Variants in ALX4 observed in about 807,000 individuals in gnomAD.
ALX4 encodes ALX homeobox 4.
In ALX4, 22 loss-of-function variants were observed where a neutral mutation model predicts 40.6. The observed-to-expected ratio is 0.54, with a 90% CI of 0.39 to 0.77. The LOEUF (loss-of-function observed/expected upper bound fraction) is 0.77, where lower values mean the gene tolerates loss of function less well. Ranked by LOEUF, ALX4 falls within the 30% of genes least tolerant of loss-of-function variation. The probability of loss-of-function intolerance (pLI) is 0.00; values close to 1 mark genes in which losing one functional copy is unlikely to be tolerated. For missense variants in ALX4, 556 were observed against 564.8 expected, an observed-to-expected ratio of 0.98 and a Z score of 0.16; for synonymous variants, 266 against 240.5, an observed-to-expected ratio of 1.11 and a Z score of -0.98.
chr11:44,290,391 T>C (rs1273372906), intron 1 of ALX4, among the ~76,000 whole-genome samples: 4 of 152,254 alleles, frequency 2.6e-5, no homozygotes, highest in Non-Finnish European at 5.9e-5. Context: ...TTCAACAGCA[T>C]TCCTGGAGCA....
rs766990322 is a variant in ALX4 at position 44,275,405 on chromosome 11, G to A, written c.720C>T (p.Asp240=). The change falls in exon 2 of 4, where the codon GAC becomes GAT. Residue 240 remains aspartate (D), a synonymous_variant. Coordinates refer to ENST00000652299, the MANE Select transcript of ALX4 (RefSeq NM_021926.4). ...EKVFQKTHYP[D]VYAREQLAMR... ...TGGCCAGCTGTTCCCGCGCATACAC[G>A]TCTGGGTAGTGGGTCTTCTGGAAGA... The A allele has an allele frequency of 8.1e-6, 13 of 1,614,082 alleles. No homozygotes were observed. The highest frequency in any genetic ancestry group is 1.6e-4 in the Middle Eastern group (1 of 6,084).
At chr11:44,277,685 A>T (rs1026798888) in intron 1 of ALX4, among the ~76,000 whole-genome samples, 1 of 152,174 alleles carries the variant, frequency 6.6e-6, no homozygotes, top group African/African-American at 2.4e-5. Context: ...TTCTGTGCAC[A>T]CTGGGGAAGC....
At chr11:44,275,741 C>A in intron 1 of ALX4, 83 bp from the exon 2 acceptor site, 1 of 1,352,992 alleles carries the variant, frequency 7.4e-7, no homozygotes, top group Non-Finnish European at 1.0e-6. Flanking sequence ...GTGGGGCACT[C>A]GGGTAGCCAC....
Position 44,299,350 on chromosome 11 carries a change from C to T in ALX4, c.466+10247G>A, listed in dbSNP as rs536270422. On this transcript the variant is annotated intron_variant, in intron 1 of 3. Coordinates refer to ENST00000652299, the MANE Select transcript of ALX4 (RefSeq NM_021926.4). ...AAGCTGAGAAGAACGCTTTGGGGGC[C>T]ATGGTTTTTTTTTTTTTTTTTTTTT... Among the ~76,000 whole-genome samples, 472 of 144,624 alleles carry T rather than the reference C, an allele frequency of 3.3e-3. 2 individuals carry two copies. Among genetic ancestry groups the T allele is most frequent in the Non-Finnish European group, 5.0e-3 (334 of 66,698 alleles). The allele number at this position is 144,624 out of a possible 152,430, so 94.9% of individuals were successfully genotyped here.
At chr11:44,275,736 G>A in intron 1 of ALX4, 78 bp from the exon 2 acceptor site, 7 of 1,424,374 alleles carry the variant, frequency 4.9e-6, no homozygotes, top group Non-Finnish European at 6.7e-6. Context: ...GGAGAGTGGG[G>A]CACTCGGGTA....
chr11:44,287,983 T>G (rs1008863019), intron 1 of ALX4, among the ~76,000 whole-genome samples: 3 of 152,060 alleles, frequency 2.0e-5, no homozygotes, highest in African/African-American at 7.2e-5. Context: ...TCTTTTTTTG[T>G]TTGTTTGTTT....
chr11:44,271,459 T>G (rs939420779), intron 2 of ALX4, among the ~76,000 whole-genome samples: 1 of 152,220 alleles, frequency 6.6e-6, no homozygotes, highest in Non-Finnish European at 1.5e-5. Flanking sequence ...TACCGTTCTA[T>G]AGTTCTGTGG....
chr11:44,300,268 TGAA>T (rs1399745595), intron 1 of ALX4, among the ~76,000 whole-genome samples: 1 of 152,092 alleles, frequency 6.6e-6, no homozygotes. Flanking sequence ...CTGAGTCCCA[TGAA>T]GAAGGTTCAG....
chr11:44,283,903 G>C (rs1420438259), intron 1 of ALX4, among the ~76,000 whole-genome samples: 1 of 151,626 alleles, frequency 6.6e-6, no homozygotes, highest in Non-Finnish European at 1.5e-5. Context: ...CTTGTTTATT[G>C]TCTCTCTCTC....
At chr11:44,303,408 C>G (rs1051653690) in intron 1 of ALX4, among the ~76,000 whole-genome samples, 1 of 152,120 alleles carries the variant, frequency 6.6e-6, no homozygotes, top group African/African-American at 2.4e-5. Context: ...ACTTGGCAGC[C>G]GGTGGCCCCT....
rs1956179666 is a variant in ALX4 at position 44,261,124 on chromosome 11, C to A, written c.*3730G>T. 6.6e-6 allele frequency: 1 copy of A among 152,172 alleles called. No homozygotes were observed. The highest frequency in any genetic ancestry group is 2.4e-5 in the African/African-American group (1 of 41,412). 9.4% of individuals were successfully genotyped at this position (152,172 alleles called of 1,614,324 possible). A position where few individuals can be genotyped will look rare whatever the true frequency, so the allele number is the denominator to read the frequency against. Reference sequence around the variant, plus strand: ...TAACTGGATAGTCACAGAGTATTATCCTGGGGGCCAGTTTACCAACCATCC... The same window carrying A: ...TAACTGGATAGTCACAGAGTATTATACTGGGGGCCAGTTTACCAACCATCC... On this transcript the variant is annotated 3_prime_UTR_variant, in exon 4 of 4. Coordinates refer to ENST00000652299, the MANE Select transcript of ALX4 (RefSeq NM_021926.4).
At position 44,264,181 on chromosome 11, in the gene ALX4, G is replaced by A. The variant is rs1186672530; in HGVS notation, c.*673C>T. On this transcript the variant is annotated 3_prime_UTR_variant, in exon 4 of 4. Transcript: ENST00000652299. Reference sequence around the variant, plus strand: ...ACTGGCATTGCTAGATGGCAGCAGGGGTCCTCGGCTCCAGCTCCTGTCATC... The same window carrying A: ...ACTGGCATTGCTAGATGGCAGCAGGAGTCCTCGGCTCCAGCTCCTGTCATC... 6.5e-6 allele frequency: 1 copy of A among 154,012 alleles called. No homozygotes were observed. The highest frequency in any genetic ancestry group is 1.4e-5 in the Non-Finnish European group (1 of 69,530). 9.5% of individuals were successfully genotyped at this position (154,012 alleles called of 1,614,324 possible).
intron 1 of ALX4, among the ~76,000 whole-genome samples, chr11:44,284,463 A>G (rs139386661): frequency 1.3e-5 from 2 of 152,306 alleles, no homozygotes; most frequent in East Asian, 3.9e-4. Context: ...TGGCACAAGA[A>G]ATACTTTTAT....
intron 1 of ALX4, among the ~76,000 whole-genome samples, chr11:44,298,790 C>T (rs1956418272): frequency 6.7e-5 from 1 of 14,948 alleles, no homozygotes; most frequent in African/African-American, 1.4e-4. Flanking sequence ...CACAGGAAAC[C>T]CTGCAAAAAA....
chr11:44,303,467 C>A (rs1956447084), intron 1 of ALX4, among the ~76,000 whole-genome samples: 2 of 152,168 alleles, frequency 1.3e-5, no homozygotes, highest in Admixed American at 1.3e-4. Context: ...CAAAACGGCA[C>A]CCTGGGAGCC....
intron 1 of ALX4, among the ~76,000 whole-genome samples, chr11:44,293,443 C>T (rs1309285913): frequency 6.6e-6 from 1 of 151,976 alleles, no homozygotes; most frequent in African/African-American, 2.4e-5. Context: ...ATATATAATG[C>T]ATGGTGTGTC....
rs116377184 is a variant in ALX4, at chr11:44,281,670, C to T, written c.467-6012G>A. 2.6e-3 allele frequency among the ~76,000 whole-genome samples: 396 copies of T among 152,170 alleles called. 3 individuals are homozygous for T. Among genetic ancestry groups the T allele is most frequent in the African/African-American group, 9.1e-3 (378 of 41,526 alleles). On this transcript the variant is annotated intron_variant, in intron 1 of 3. Coordinates refer to ENST00000652299, the MANE Select transcript of ALX4 (RefSeq NM_021926.4). ...CTGACTAAACCCACTGCTGTCCAAA[C>T]GGTCCTGTGGGGGTGAGGGCGGAGG... is the stretch of plus-strand genomic sequence containing the variant.
rs778724337 is a variant in ALX4 at position 44,264,928 on chromosome 11, G to A, written c.1162C>T (p.Arg388Cys). Reference protein sequence around the residue: ...NGYELNGEPDRKTSSIAALRM... With the variant: ...NGYELNGEPDCKTSSIAALRM... ...AGGGCCGCGATGCTCGAGGTCTTGC[G>A]GTCCGGCTCGCCGTTGAGCTCGTAG... The change falls in exon 4 of 4, where the codon CGC (arginine) becomes TGC (cysteine). Residue 388 changes from arginine (R) to cysteine (C), a missense_variant. Coordinates refer to ENST00000652299, the MANE Select transcript of ALX4 (RefSeq NM_021926.4). The A allele has an allele frequency of 6.2e-6, 10 of 1,613,034 alleles. No homozygotes were observed. Among genetic ancestry groups the A allele is most frequent in the South Asian group, 3.3e-5 (3 of 91,016 alleles).
chr11:44,275,557 G>A lies in ALX4; in HGVS notation c.568C>T (p.Pro190Ser). ...AGGTCTGAGCTGGCCCGGTCCTGGG[G>A]CCCCTTCACCCCAGCCTCCTTGACA... ...LSVKEAGVKG[P>S]QDRASSDLPS... The change falls in exon 2 of 4, where the codon CCC becomes TCC. Residue 190 changes from proline to serine, a missense_variant. Coordinates refer to ENST00000652299, the MANE Select transcript of ALX4 (RefSeq NM_021926.4). The A allele has an allele frequency of 5.0e-6, 8 of 1,614,148 alleles. No individual in the cohort carries two copies. The highest frequency in any genetic ancestry group is 1.1e-5 in the South Asian group (1 of 91,088).
Sources: gnomAD v4.1 joint callset for allele counts (sites outside exome capture counted in the v4.1 genomes callset) on GRCh38, gnomAD v4.1.1 for gene constraint, MANE v1.5 for transcripts, NCBI Gene and HGNC (gene_info 2026-07-23, HGNC 2026-07-21) for gene names.